The following LRSAM1 variants were observed in gnomAD, a reference collection of about 807,000 sequenced individuals.
LRSAM1 encodes E3 ubiquitin-protein ligase LRSAM1.
Under a neutral mutation model 118.1 loss-of-function variants are expected in LRSAM1, and 96 were observed. The ratio of observed to expected loss-of-function variants is 0.81; its 90% CI spans 0.69 to 0.96. The LOEUF (loss-of-function observed/expected upper bound fraction) is 0.96, where lower values mean the gene tolerates loss of function less well. Among genes scored for constraint, LRSAM1 ranks in the 40% least tolerant of loss-of-function variants. LRSAM1 has a pLI of 0.00. For synonymous variants in LRSAM1, 322 were observed against 364.2 expected (o/e 0.88, Z 1.32); for missense variants, 804 against 915.5 (o/e 0.88, Z 1.57).
rs761659187 is a variant in LRSAM1 at position 127,496,033 on chromosome 9, T to G, written c.1768T>G (p.Phe590Val). ...ELSAEHYLPI[F>V]AHHRLSLDLL... The stretch of plus-strand genomic sequence containing the variant: ...GTCGGCTGAGCACTACCTGCCCATC[T>G]TTGCGCACCACCGCCTCTCACTGGA... The change falls in exon 23 of 26, where the codon TTT becomes GTT. Residue 590 changes from phenylalanine (F) to valine (V), a missense_variant. By Grantham distance (50) the Phe-to-Val change is conservative. Transcript: ENST00000300417. 3 of 1,612,572 alleles carry G rather than the reference T, an allele frequency of 1.9e-6. No homozygotes were observed. The Admixed American group carries it at 5.0e-5, about 27-fold the overall frequency.
At chr9:127,498,577 T>C (rs1303404471) in intron 24 of LRSAM1, among the ~76,000 whole-genome samples, 1 of 152,200 alleles carries the variant, frequency 6.6e-6, no homozygotes, top group Non-Finnish European at 1.5e-5. Context: ...CATAGCAGAT[T>C]GGCCATGAGG....
rs944877446 is a variant in LRSAM1 at position 127,495,245 on chromosome 9, G to A, written c.1600-75G>A. 18 of 1,411,316 alleles carry A rather than the reference G, an allele frequency of 1.3e-5. No homozygotes were observed. The South Asian group carries it at 1.8e-4, about 14-fold the overall frequency. The allele number at this position is 1,411,316 out of a possible 1,614,324, so 87.4% of individuals were successfully genotyped here. ...TGGGATTACAGGCATGAGCCACCGC[G>A]CCTGGCAACCATCATTGTTATTACA... On this transcript the variant is annotated intron_variant, in intron 21 of 25. Transcript: ENST00000300417.
At chr9:127,479,759 C>A in intron 13 of LRSAM1, 80 bp from the exon 14 acceptor site, 2 of 1,558,218 alleles carry the variant, frequency 1.3e-6, no homozygotes, top group African/African-American at 2.7e-5. Flanking sequence ...GTGGGAAAGC[C>A]AGCCTCCTAA....
At chr9:127,480,099 G>T in intron 14 of LRSAM1, 121 bp downstream of exon 14, 2 of 1,376,450 alleles carry the variant, frequency 1.5e-6, no homozygotes, top group Non-Finnish European at 2.0e-6. Flanking sequence ...CCCTTGTCAG[G>T]ATCCAGTCTG....
chr9:127,498,920 G>A (rs947193007), intron 24 of LRSAM1, among the ~76,000 whole-genome samples: 21 of 151,890 alleles, frequency 1.4e-4, no homozygotes, highest in African/African-American at 3.1e-4. Flanking sequence ...TTAGCCAGGC[G>A]TGGTGGCGTG....
chr9:127,491,169 G>C, intron 19 of LRSAM1, 46 bp from the exon 20 acceptor site: 1 of 1,506,928 alleles, frequency 6.6e-7, no homozygotes, highest in Non-Finnish European at 9.2e-7. Flanking sequence ...AAACTGAACT[G>C]TGGTTAATGT....
intron 16 of LRSAM1, among the ~76,000 whole-genome samples, chr9:127,483,334 C>A (rs555736418): frequency 6.6e-6 from 1 of 152,026 alleles, no homozygotes; most frequent in Non-Finnish European, 1.5e-5. Context: ...GTAATCCCAG[C>A]GCTTTAGGAA....
At chr9:127,482,290 A>G (rs1025749387) in intron 15 of LRSAM1, among the ~76,000 whole-genome samples, 3 of 151,958 alleles carry the variant, frequency 2.0e-5, no homozygotes, top group African/African-American at 7.3e-5. Context: ...TTATAGGCGC[A>G]TACCACCAGG....
At chr9:127,459,162 C>A in intron 7 of LRSAM1, 91 bp downstream of exon 7, 1 of 1,264,714 alleles carries the variant, frequency 7.9e-7, no homozygotes, top group Non-Finnish European at 1.1e-6. Flanking sequence ...GGGCTCCAGC[C>A]AGTGGAAGCA....
chr9:127,479,364 C>T lies in LRSAM1; in HGVS notation c.781-19C>T. 1 of 1,614,078 alleles carries T rather than the reference C, an allele frequency of 6.2e-7. No homozygotes were observed. ...CCCCAGGGCCTGTGCTGACAGTCAC[C>T]AGGATCTGTGTCTTGCAGGAACAGA... On this transcript the variant is annotated intron_variant, in intron 12 of 25. Coordinates refer to ENST00000300417, the MANE Select transcript of LRSAM1 (RefSeq NM_001005373.4).
intron 2 of LRSAM1, chr9:127,453,485 CT>C: frequency 6.6e-6 from 1 of 152,418 alleles, no homozygotes; most frequent in East Asian, 1.9e-4. Context: ...GCAGAGGTCT[CT>C]TTGGTCATGA....
At chr9:127,502,490 G>T (rs1324037820) in intron 25 of LRSAM1, among the ~76,000 whole-genome samples, 1 of 151,958 alleles carries the variant, frequency 6.6e-6, no homozygotes, top group Non-Finnish European at 1.5e-5. Flanking sequence ...TTCGAGACTA[G>T]CCTGACCAAC....
rs763390117 is a variant in LRSAM1 at position 127,483,002 on chromosome 9, C to T, written c.1141C>T (p.Arg381Trp). ...AACCCAGGAGGAGACTGAGAGCCTG[C>T]GGCGACGTGACGTTGCCTGTGAGTT... Reference protein sequence around the residue: ...SITQEETESLRRRDVASAMQQ... With the variant: ...SITQEETESLWRRDVASAMQQ... The change falls in exon 16 of 26, where the codon CGG (arginine) becomes TGG (tryptophan). Residue 381 changes from arginine (R) to tryptophan (W), a missense_variant. Physicochemically the swap from Arg to Trp is moderately radical, Grantham distance 101. Transcript: ENST00000300417. The T allele has an allele frequency of 2.0e-5, 32 of 1,592,850 alleles. No homozygotes were observed. Among genetic ancestry groups the T allele is most frequent in the Admixed American group, 1.8e-4 (10 of 55,772 alleles).
Position 127,451,698 on chromosome 9 carries a change from A to T in LRSAM1, c.-189+29A>T, listed in dbSNP as rs970202043. On this transcript the variant is annotated intron_variant, in intron 1 of 25. Transcript: ENST00000300417. ...AGTGTCACCCCGGTCCCCGTCACCCAATCCCAGAGCCCCGCCCCTCCCCTG... is the reference window on the plus strand; with the variant it reads ...AGTGTCACCCCGGTCCCCGTCACCCTATCCCAGAGCCCCGCCCCTCCCCTG... 4 of 271,002 alleles carry T rather than the reference A, an allele frequency of 1.5e-5. No individual in the cohort carries two copies. In the South Asian group the frequency reaches 2.3e-4, roughly 16 times the overall value. 16.8% of individuals were successfully genotyped at this position (271,002 alleles called of 1,614,324 possible). A position where few individuals can be genotyped will look rare whatever the true frequency, so the allele number is the denominator to read the frequency against.
chr9:127,454,888 T>G (rs906704572), intron 3 of LRSAM1, 110 bp from the exon 4 acceptor site: 3 of 1,079,314 alleles, frequency 2.8e-6, no homozygotes, highest in Admixed American at 3.4e-5. Context: ...TGGAACCAGA[T>G]AGTGTCTATG....
intron 24 of LRSAM1, among the ~76,000 whole-genome samples, chr9:127,498,300 T>G (rs1422944325): frequency 6.6e-6 from 1 of 152,172 alleles, no homozygotes; most frequent in Non-Finnish European, 1.5e-5. Context: ...TTAAACTTCT[T>G]AGCTTTTTGA....
intron 19 of LRSAM1, among the ~76,000 whole-genome samples, chr9:127,489,914 C>T (rs770333450): frequency 3.9e-5 from 6 of 152,238 alleles, no homozygotes; most frequent in South Asian, 2.1e-4. Flanking sequence ...CAGACAGAGG[C>T]GTCTCAGGGG....
intron 17 of LRSAM1, 115 bp from the exon 18 acceptor site, chr9:127,487,561 A>G: frequency 5.4e-6 from 5 of 931,160 alleles, no homozygotes; most frequent in Non-Finnish European, 8.4e-6. Context: ...CAGGTACTCC[A>G]TGAATGTGGT....
intron 16 of LRSAM1, among the ~76,000 whole-genome samples, chr9:127,484,732 T>G (rs565419055): frequency 3.9e-5 from 6 of 152,212 alleles, no homozygotes; most frequent in African/African-American, 1.2e-4. Context: ...TTATGAATAA[T>G]GCTACAAATG....
Sources: allele counts gnomAD v4.1 joint callset (sites outside exome capture counted in the v4.1 genomes callset), GRCh38; gene constraint gnomAD v4.1.1; transcripts MANE v1.5; gene names NCBI Gene and HGNC (gene_info 2026-07-23, HGNC 2026-07-21).